The following PIEZO2 variants were observed in gnomAD, a reference collection of about 807,000 sequenced individuals.
The protein encoded by PIEZO2 is piezo-type mechanosensitive ion channel component 2.
Under a neutral mutation model 337.3 loss-of-function variants are expected in PIEZO2, and 172 were observed. The ratio of observed to expected loss-of-function variants is 0.51; its 90% CI spans 0.45 to 0.58. The LOEUF is 0.58. Ranked by LOEUF, PIEZO2 falls within the 20% of genes least tolerant of loss-of-function variation. The pLI, the probability that PIEZO2 is intolerant of heterozygous loss-of-function variation, is 0.00. For missense variants in PIEZO2, 3,028 were observed against 3,391.3 expected (o/e 0.89, Z 2.66); for synonymous variants, 1,251 against 1,228.5 (o/e 1.02, Z -0.38).
At chr18:11,050,314 T>C (rs1403015911) in intron 2 of PIEZO2, among the ~76,000 whole-genome samples, 1 of 152,212 alleles carries the variant, frequency 6.6e-6, no homozygotes, top group Non-Finnish European at 1.5e-5. Context: ...CCTAATGGTA[T>C]AAGCACTGTT....
At chr18:10,763,738 T>C (rs1311213008) in intron 21 of PIEZO2, among the ~76,000 whole-genome samples, 1 of 152,166 alleles carries the variant, frequency 6.6e-6, no homozygotes, top group African/African-American at 2.4e-5. Flanking sequence ...TTGCTTCCTA[T>C]TGAGATAAAT....
chr18:10,943,420 G>A lies in PIEZO2; in HGVS notation c.287-32192C>T, dbSNP rs561350700. 6.6e-6 allele frequency among the ~76,000 whole-genome samples: 1 copy of A among 152,292 alleles called. No homozygotes were observed. Among genetic ancestry groups the A allele is most frequent in the Admixed American group, 6.5e-5 (1 of 15,294 alleles). ...CAGTGTGACCTGGATGTGAGACATCGAGTCACAGGAGACCATTTCGGAGCT... is the reference window on the plus strand; with the variant it reads ...CAGTGTGACCTGGATGTGAGACATCAAGTCACAGGAGACCATTTCGGAGCT... On this transcript the variant is annotated intron_variant, in intron 3 of 55. Transcript: ENST00000674853. This position sits in a 1 kb window ranked among gnomAD's most constrained non-coding sequence, Gnocchi z 4.5.
chr18:10,772,590 G>C (rs1240135465), intron 20 of PIEZO2, among the ~76,000 whole-genome samples: 2 of 152,156 alleles, frequency 1.3e-5, no homozygotes, highest in Non-Finnish European at 2.9e-5. Flanking sequence ...GGGTCTTCTT[G>C]CTACTTTTTT....
chr18:10,697,250 G>A (rs2035134886), intron 45 of PIEZO2, among the ~76,000 whole-genome samples: 1 of 152,164 alleles, frequency 6.6e-6, no homozygotes, highest in Non-Finnish European at 1.5e-5. Context: ...CCTCTGTCCA[G>A]GGCTCCACTC....
At chr18:10,717,689 T>C (rs2036071791) in intron 37 of PIEZO2, among the ~76,000 whole-genome samples, 1 of 152,238 alleles carries the variant, frequency 6.6e-6, no homozygotes, top group African/African-American at 2.4e-5. Flanking sequence ...ACAAGGGTTC[T>C]ATCCCTGACT....
intron 3 of PIEZO2, among the ~76,000 whole-genome samples, chr18:10,967,204 A>T (rs1458973862): frequency 2.0e-5 from 3 of 151,680 alleles, no homozygotes; most frequent in Non-Finnish European, 2.9e-5. Flanking sequence ...TTTTCAGTAG[A>T]GACAAGATTT....
rs140890096 is a variant in PIEZO2 at position 10,885,035 on chromosome 18, A to T, written c.330-13620T>A. Among the ~76,000 whole-genome samples, 32 of 152,250 alleles carry T rather than the reference A, an allele frequency of 2.1e-4. No homozygotes were observed. The East Asian group carries it at 5.8e-3, about 28-fold the overall frequency. ...CTGAGAAAGCCAGTGTGCTTTGTAT[A>T]GGCCTGTGTATCTTAGGAGAGGCTG... On this transcript the variant is annotated intron_variant, in intron 4 of 55. Coordinates refer to ENST00000674853, the MANE Select transcript of PIEZO2 (RefSeq NM_001378183.1).
chr18:10,695,123 TAA>T (rs1201363753), intron 47 of PIEZO2, among the ~76,000 whole-genome samples: 4 of 152,264 alleles, frequency 2.6e-5, no homozygotes, highest in Admixed American at 6.5e-5. Context: ...TTCCCATTTA[TAA>T]AACTCCACTT....
At chr18:10,804,585 T>C (rs553646243) in intron 8 of PIEZO2, among the ~76,000 whole-genome samples, 3 of 152,226 alleles carry the variant, frequency 2.0e-5, no homozygotes, top group Non-Finnish European at 4.4e-5. Flanking sequence ...TCACTGATAC[T>C]GGAGTGGAGT....
intron 17 of PIEZO2, among the ~76,000 whole-genome samples, chr18:10,782,569 C>T (rs2039067159): frequency 7.1e-6 from 1 of 139,990 alleles, no homozygotes; most frequent in Non-Finnish European, 1.5e-5. Flanking sequence ...AAATGAAATC[C>T]TATGTCCTTA....
chr18:11,134,457 C>T (rs1448257158), intron 1 of PIEZO2, among the ~76,000 whole-genome samples: 2 of 152,192 alleles, frequency 1.3e-5, no homozygotes, highest in Non-Finnish European at 2.9e-5. Flanking sequence ...AGTGACCACC[C>T]ATCAGCGCTG....
Position 10,670,375 on chromosome 18 carries a change from A to G in PIEZO2, c.*1152T>C, listed in dbSNP as rs2033718578. 1 of 152,230 alleles carries G rather than the reference A, an allele frequency of 6.6e-6. No homozygotes were observed. Among genetic ancestry groups the G allele is most frequent in the South Asian group, 2.1e-4 (1 of 4,832 alleles). The allele number at this position is 152,230 out of a possible 1,614,324, so 9.4% of individuals were successfully genotyped here. ...TGTATCTTAATATGGAATGAAAACT[A>G]CATTTCAATCATAAATTTTTCATGC... On this transcript the variant is annotated 3_prime_UTR_variant, in exon 56 of 56. Coordinates refer to ENST00000674853, the MANE Select transcript of PIEZO2 (RefSeq NM_001378183.1).
chr18:10,842,392 T>C (rs945478959), intron 7 of PIEZO2, among the ~76,000 whole-genome samples: 3 of 152,132 alleles, frequency 2.0e-5, no homozygotes. Context: ...CACTCATGAA[T>C]AGATTAATGC....
chr18:11,030,201 G>C (rs1041234350), intron 2 of PIEZO2, among the ~76,000 whole-genome samples: 1 of 152,140 alleles, frequency 6.6e-6, no homozygotes, highest in Non-Finnish European at 1.5e-5. Flanking sequence ...TCAAGTGTTT[G>C]AATAAACACT....
At chr18:11,106,262 ATTTT>A (rs34892450) in intron 1 of PIEZO2, among the ~76,000 whole-genome samples, 2 of 114,692 alleles carry the variant, frequency 1.7e-5, no homozygotes. Context: ...AATTTTTTGT[ATTTT>A]TTTTTTTTTT....
chr18:10,810,757 C>A (rs2040162775), intron 7 of PIEZO2, among the ~76,000 whole-genome samples: 1 of 152,092 alleles, frequency 6.6e-6, no homozygotes, highest in South Asian at 2.1e-4. Context: ...GTATATGTAC[C>A]AGGTGAGCTT....
intron 7 of PIEZO2, among the ~76,000 whole-genome samples, chr18:10,826,378 C>T (rs1395510724): frequency 6.6e-6 from 1 of 152,194 alleles, no homozygotes; most frequent in Non-Finnish European, 1.5e-5. Context: ...CTAGCCTTCC[C>T]TTGTTGCTTA....
rs2038772134 is a variant in PIEZO2, at chr18:10,775,981, CTT to C, written c.2535-1945_2535-1944del. Among the ~76,000 whole-genome samples the C allele has an allele frequency of 2.0e-5, 3 of 152,230 alleles. No homozygotes were observed. The South Asian group carries it at 6.2e-4, about 32-fold the overall frequency. ...ACTAGTCTAGGGGTTTATTAACTATCTTGAGAAATTTCAGAGAATTGTACCTT... is the reference window on the plus strand; with the variant it reads ...ACTAGTCTAGGGGTTTATTAACTATCGAGAAATTTCAGAGAATTGTACCTT... On this transcript the variant is annotated intron_variant, in intron 18 of 55. Transcript: ENST00000674853. The surrounding 1 kb of genome is among the most constrained non-coding windows in gnomAD (Gnocchi z 4.3).
chr18:10,868,099 A>G (rs2042051929), intron 5 of PIEZO2, among the ~76,000 whole-genome samples: 1 of 152,250 alleles, frequency 6.6e-6, no homozygotes, highest in African/African-American at 2.4e-5. Context: ...TTATCAAATC[A>G]GTGAAGATTA....
Sources: allele counts gnomAD v4.1 joint callset (sites outside exome capture counted in the v4.1 genomes callset), GRCh38; gene constraint gnomAD v4.1.1; non-coding constraint Gnocchi (gnomAD v3.1); transcripts MANE v1.5; gene names NCBI Gene and HGNC (gene_info 2026-07-23, HGNC 2026-07-21).